The following NDRG3 variants were observed in gnomAD, a reference collection of about 807,000 sequenced individuals.
NDRG3 encodes the protein protein NDRG3.
In NDRG3, 23 loss-of-function variants were observed where a neutral mutation model predicts 57.2. The observed-to-expected ratio is 0.40, with a 90% CI of 0.29 to 0.57. NDRG3 has a LOEUF of 0.57. Among genes scored for constraint, NDRG3 ranks in the 20% least tolerant of loss-of-function variants. The probability of loss-of-function intolerance (pLI) is 0.42; values close to 1 mark genes in which losing one functional copy is unlikely to be tolerated. For missense variants in NDRG3, 384 were observed against 457.3 expected, an observed-to-expected ratio of 0.84 and a Z score of 1.46; for synonymous variants, 132 against 162.6, an observed-to-expected ratio of 0.81 and a Z score of 1.43.
intron 8 of NDRG3, among the ~76,000 whole-genome samples, chr20:36,676,422 A>G (rs901628315): frequency 8.5e-5 from 13 of 152,126 alleles, no homozygotes; most frequent in Non-Finnish European, 1.9e-4. Flanking sequence ...ATGGTTCAAA[A>G]CTTTTTCTAA....
chr20:36,682,518 T>G lies in NDRG3; in HGVS notation c.444A>C (p.Ala148=), dbSNP rs143812891. ...GAGAYILSRF[A]LNHPELVEGL... ...TGAGGCTAATCCTCTACATACTTAC[T>G]GCAAATCTGCTGAGGATGTAAGCTC... is the stretch of plus-strand genomic sequence containing the variant. The change falls in exon 7 of 16, where the codon GCA becomes GCC. Residue 148 remains alanine (A), a splice_region_variant and synonymous_variant. Coordinates refer to ENST00000349004, the MANE Select transcript of NDRG3 (RefSeq NM_032013.4). The G allele has an allele frequency of 3.4e-5, 55 of 1,613,454 alleles. No homozygotes were observed. The African/African-American group carries it at 6.8e-4, about 20-fold the overall frequency.
rs75445966 is a variant in NDRG3 at position 36,691,968 on chromosome 20, G to C, written c.94-3184C>G. Among the ~76,000 whole-genome samples the C allele has an allele frequency of 3.9e-5, 6 of 152,214 alleles. No individual in the cohort carries two copies. The East Asian group carries it at 1.2e-3, about 29-fold the overall frequency. ...CAGAGATTATGTTCTACATAGGGAGGCACACAATAAACACAGAAACAAATC... is the reference window on the plus strand; with the variant it reads ...CAGAGATTATGTTCTACATAGGGAGCCACACAATAAACACAGAAACAAATC... On this transcript the variant is annotated intron_variant, in intron 3 of 15. Coordinates refer to ENST00000349004, the MANE Select transcript of NDRG3 (RefSeq NM_032013.4).
intron 15 of NDRG3, among the ~76,000 whole-genome samples, chr20:36,656,132 C>CAAAAAA (rs1180409064): frequency 2.0e-5 from 1 of 49,242 alleles, no homozygotes; most frequent in African/African-American, 7.1e-5. Flanking sequence ...GACTCTGTCT[C>CAAAAAA]AAAAAAAAAA....
At chr20:36,680,753 A>C in intron 8 of NDRG3, 63 bp downstream of exon 8, 1 of 1,328,888 alleles carries the variant, frequency 7.5e-7, no homozygotes, top group Non-Finnish European at 1.1e-6. Context: ...CTCAATGAAA[A>C]ACTGGTAAGC....
At chr20:36,727,330 C>T (rs1426016477) in intron 1 of NDRG3, among the ~76,000 whole-genome samples, 1 of 152,052 alleles carries the variant, frequency 6.6e-6, no homozygotes, top group Non-Finnish European at 1.5e-5. Flanking sequence ...AGCGATTCTC[C>T]TGCCTCAGCC....
chr20:36,727,979 G>T (rs1030855053), intron 1 of NDRG3, among the ~76,000 whole-genome samples: 3 of 152,130 alleles, frequency 2.0e-5, no homozygotes, highest in African/African-American at 7.2e-5. Context: ...CAGGAGGATT[G>T]CTTCAGCCCA....
At chr20:36,702,915 C>T (rs1983329505) in intron 3 of NDRG3, among the ~76,000 whole-genome samples, 1 of 151,608 alleles carries the variant, frequency 6.6e-6, no homozygotes, top group African/African-American at 2.4e-5. Context: ...AACTCCCGAC[C>T]TCAGGTCATC....
chr20:36,723,299 C>T (rs540457173), intron 1 of NDRG3, among the ~76,000 whole-genome samples: 67 of 152,248 alleles, frequency 4.4e-4, no homozygotes, highest in African/African-American at 1.4e-3. Flanking sequence ...TAATGAACTA[C>T]AAATTCTTCT....
At chr20:36,742,369 G>A (rs527758222) in intron 1 of NDRG3, among the ~76,000 whole-genome samples, 1 of 152,236 alleles carries the variant, frequency 6.6e-6, no homozygotes, top group South Asian at 2.1e-4. Context: ...ACCTTTAGTG[G>A]CTAAAAAGTC....
chr20:36,671,759 G>A (rs186732749), intron 8 of NDRG3, among the ~76,000 whole-genome samples: 13 of 143,320 alleles, frequency 9.1e-5, no homozygotes, highest in Middle Eastern at 3.8e-3. Flanking sequence ...CCGAGATTGC[G>A]CCACTGCACT....
chr20:36,718,144 T>TC (rs1737762509), intron 2 of NDRG3, among the ~76,000 whole-genome samples: 1 of 152,196 alleles, frequency 6.6e-6, no homozygotes, highest in South Asian at 2.1e-4. Context: ...GGCATTATTA[T>TC]CATTATACCT....
intron 2 of NDRG3, among the ~76,000 whole-genome samples, chr20:36,712,589 T>TATATATATA (rs1600940687): frequency 5.0e-5 from 1 of 19,896 alleles, no homozygotes; most frequent in Non-Finnish European, 1.3e-4. Context: ...ATATATATAT[T>TATATATATA]TTTTTTTTTT....
At chr20:36,663,563 G>A (rs930098323) in intron 12 of NDRG3, among the ~76,000 whole-genome samples, 2 of 152,036 alleles carry the variant, frequency 1.3e-5, no homozygotes, top group Non-Finnish European at 2.9e-5. Flanking sequence ...TTAACCAATC[G>A]AATTAACTAC....
rs1204436073 is a variant in NDRG3, at chr20:36,655,867, A to G, written c.946+493T>C. Among the ~76,000 whole-genome samples the G allele has an allele frequency of 2.6e-5, 4 of 152,142 alleles. No individual in the cohort carries two copies. In the East Asian group the frequency reaches 5.8e-4, roughly 22 times the overall value. On this transcript the variant is annotated intron_variant, in intron 15 of 15. Transcript: ENST00000349004. ...TAAGAATATATAGGTTGGGCACGGT[A>G]GCTCACGCATGTAATCCCAGCACTT...
intron 1 of NDRG3, among the ~76,000 whole-genome samples, chr20:36,723,711 G>GTT (rs150408734): frequency 1.6e-5 from 2 of 127,008 alleles, no homozygotes; most frequent in Non-Finnish European, 3.4e-5. Flanking sequence ...TGGTGTTTTT[G>GTT]TTTTTTTTTT....
At chr20:36,674,539 C>T (rs943234358) in intron 8 of NDRG3, among the ~76,000 whole-genome samples, 6 of 145,986 alleles carry the variant, frequency 4.1e-5, no homozygotes, top group African/African-American at 1.5e-4. Flanking sequence ...AACTACCTTT[C>T]AAAAAAGTTC....
At chr20:36,676,717 C>T (rs1356828637) in intron 8 of NDRG3, among the ~76,000 whole-genome samples, 1 of 152,260 alleles carries the variant, frequency 6.6e-6, no homozygotes, top group African/African-American at 2.4e-5. Context: ...CTCACCTCCG[C>T]CTCCCAAAGT....
chr20:36,679,356 A>G (rs1325486269), intron 8 of NDRG3, among the ~76,000 whole-genome samples: 1 of 152,252 alleles, frequency 6.6e-6, no homozygotes, highest in Non-Finnish European at 1.5e-5. Flanking sequence ...GTATAAACCC[A>G]AGAGAAATAA....
chr20:36,659,425 GC>G (rs901798696), intron 13 of NDRG3, among the ~76,000 whole-genome samples: 2 of 152,096 alleles, frequency 1.3e-5, no homozygotes, highest in Non-Finnish European at 2.9e-5. Context: ...ACCGTGCCCA[GC>G]CCGTCTCTAA....
Sources: allele counts gnomAD v4.1 joint callset (sites outside exome capture counted in the v4.1 genomes callset), GRCh38; gene constraint gnomAD v4.1.1; transcripts MANE v1.5; gene names NCBI Gene and HGNC (gene_info 2026-07-23, HGNC 2026-07-21).